The following MED13L variants were observed in gnomAD, a reference collection of about 807,000 sequenced individuals.
MED13L encodes mediator complex subunit 13L.
MED13L carries 7 observed loss-of-function variants against 220.9 expected under a neutral mutation model. The ratio of observed to expected loss-of-function variants is 0.03; its 90% CI spans 0.02 to 0.06. The LOEUF is 0.06. Among genes scored for constraint, MED13L ranks in the 10% least tolerant of loss-of-function variants. MED13L has a pLI of 1.00. For missense variants in MED13L, 1,965 were observed against 2,760.5 expected, an observed-to-expected ratio of 0.71 and a Z score of 6.46; for synonymous variants, 1,011 against 1,015.2, an observed-to-expected ratio of 1.00 and a Z score of 0.08.
intron 16 of MED13L, among the ~76,000 whole-genome samples, chr12:115,995,450 G>T (rs1592928047): frequency 6.6e-6 from 1 of 152,244 alleles, no homozygotes; most frequent in South Asian, 2.1e-4. Flanking sequence ...TTGTGACAGG[G>T]TCTTGCTCTG....
At chr12:116,075,637 T>C (rs1593014293) in intron 4 of MED13L, among the ~76,000 whole-genome samples, 1 of 152,228 alleles carries the variant, frequency 6.6e-6, no homozygotes, top group East Asian at 1.9e-4. Context: ...ACTGAACATC[T>C]TCATGTTGTA....
intron 4 of MED13L, among the ~76,000 whole-genome samples, chr12:116,089,507 AAT>A (rs1171195756): frequency 6.6e-6 from 1 of 152,214 alleles, no homozygotes; most frequent in Non-Finnish European, 1.5e-5. Flanking sequence ...TAGGATTAGT[AAT>A]AGAGGTGGCA....
chr12:116,181,678 T>C (rs1279010136), intron 2 of MED13L, among the ~76,000 whole-genome samples: 1 of 152,052 alleles, frequency 6.6e-6, no homozygotes, highest in African/African-American at 2.4e-5. Flanking sequence ...ATTTTTTCTG[T>C]AGTTTTAGTA....
intron 2 of MED13L, among the ~76,000 whole-genome samples, 172 bp downstream of exon 2, chr12:116,237,296 A>C (rs557862952): frequency 3.3e-5 from 5 of 151,342 alleles, no homozygotes; most frequent in Admixed American, 6.6e-5. Flanking sequence ...AAGAGTTAGG[A>C]AAAAAAAACA....
chr12:116,107,134 CA>C (rs1288927115), intron 3 of MED13L, among the ~76,000 whole-genome samples: 2 of 152,056 alleles, frequency 1.3e-5, no homozygotes, highest in Non-Finnish European at 2.9e-5. Context: ...AACTGAGACC[CA>C]AAATATCTCT....
At chr12:116,036,577 G>C (rs777685532) in intron 4 of MED13L, among the ~76,000 whole-genome samples, 3 of 152,136 alleles carry the variant, frequency 2.0e-5, no homozygotes, top group Non-Finnish European at 4.4e-5. Context: ...AAAGTGTTTT[G>C]ATAACAGATT....
chr12:116,244,664 C>T (rs1424787725), intron 1 of MED13L, among the ~76,000 whole-genome samples: 2 of 152,154 alleles, frequency 1.3e-5, no homozygotes, highest in African/African-American at 4.8e-5. Context: ...GCTTAAAAGG[C>T]GCTCAGCTGG....
At chr12:116,083,318 C>T (rs1403561526) in intron 4 of MED13L, among the ~76,000 whole-genome samples, 3 of 146,660 alleles carry the variant, frequency 2.0e-5, no homozygotes, top group African/African-American at 7.6e-5. Context: ...GCATGAGGAT[C>T]ACTTGAACCC....
In MED13L at chr12:116,008,529, T is replaced by C; in HGVS notation, c.1884A>G (p.Ser628=). The change falls in exon 10 of 31, where the codon TCA becomes TCG. Residue 628 remains serine (S), a synonymous_variant. Coordinates refer to ENST00000281928, the MANE Select transcript of MED13L (RefSeq NM_015335.5). ...GATAACTATGCCACCACTTTTCTGA[T>C]GACTCCGGGTTCGAGGGCCTAATCC... The part of the protein sequence containing the change: ...YCGIRPSNPE[S]SEKWWHSYRL... 1.2e-6 allele frequency: 2 copies of C among 1,614,008 alleles called. No homozygotes were observed. The highest frequency in any genetic ancestry group is 2.2e-5 in the South Asian group (2 of 91,058).
At chr12:116,138,720 C>T (rs1381996212) in intron 2 of MED13L, among the ~76,000 whole-genome samples, 1 of 152,218 alleles carries the variant, frequency 6.6e-6, no homozygotes, top group Non-Finnish European at 1.5e-5. Flanking sequence ...AAATTCTAAG[C>T]AAATGTTAGT....
At position 115,996,638 on chromosome 12, in the gene MED13L, A is replaced by G. The variant is rs1285890331; in HGVS notation, c.2834T>C (p.Val945Ala). 1.9e-6 allele frequency: 3 copies of G among 1,614,034 alleles called. No individual in the cohort carries two copies. Among genetic ancestry groups the G allele is most frequent in the Admixed American group, 1.7e-5 (1 of 60,012 alleles). The stretch of plus-strand genomic sequence containing the variant: ...CAGTGGAGCAAACATGGAGGATCCC[A>G]CAAAAGGTTGAAAGGATGGAACTTT... Reference protein sequence around the residue: ...VHKVPSFQPFVGSSMFAPLKM... With the variant: ...VHKVPSFQPFAGSSMFAPLKM... The change falls in exon 16 of 31, where the codon GTG becomes GCG. Residue 945 changes from valine (V) to alanine (A), a missense_variant. Val to Ala is a moderately conservative substitution (Grantham distance 64). This residue lies in a region of MED13L where 233 missense variants were observed against 306.2 expected (regional missense o/e 0.76). Transcript: ENST00000281928.
chr12:116,171,796 G>A (rs1472538300), intron 2 of MED13L, among the ~76,000 whole-genome samples: 2 of 152,086 alleles, frequency 1.3e-5, no homozygotes, highest in East Asian at 3.8e-4. Flanking sequence ...GTACTGAGAA[G>A]CCCTATTTCC....
intron 1 of MED13L, among the ~76,000 whole-genome samples, chr12:116,260,923 T>G (rs540461517): frequency 1.3e-5 from 2 of 152,246 alleles, no homozygotes; most frequent in Non-Finnish European, 2.9e-5. Flanking sequence ...GTAGATGCTC[T>G]AGGTAACAAA....
chr12:116,044,857 T>C (rs1881740411), intron 4 of MED13L, among the ~76,000 whole-genome samples: 1 of 152,120 alleles, frequency 6.6e-6, no homozygotes, highest in African/African-American at 2.4e-5. Flanking sequence ...GAATATGAAG[T>C]TGTATCAGCT....
chr12:116,189,541 T>C (rs76639466), intron 2 of MED13L, among the ~76,000 whole-genome samples: 99 of 152,282 alleles, frequency 6.5e-4, no homozygotes, highest in East Asian at 3.5e-3. Flanking sequence ...GATTGTACTT[T>C]TGGTATCAGT....
chr12:116,204,734 T>G (rs987599713), intron 2 of MED13L, among the ~76,000 whole-genome samples: 3 of 152,196 alleles, frequency 2.0e-5, no homozygotes, highest in African/African-American at 7.2e-5. Flanking sequence ...GCTCCTGCCC[T>G]TTATCCTAAA....
chr12:116,267,446 T>C (rs902070244), intron 1 of MED13L, among the ~76,000 whole-genome samples: 9 of 152,224 alleles, frequency 5.9e-5, no homozygotes, highest in African/African-American at 2.2e-4. Flanking sequence ...CTCGGGCTAC[T>C]CTATAACTTT....
chr12:116,179,540 C>G (rs76050583), intron 2 of MED13L, among the ~76,000 whole-genome samples: 3 of 148,714 alleles, frequency 2.0e-5, no homozygotes, highest in African/African-American at 4.9e-5. Context: ...GCACGTGAAC[C>G]GAGAAAATAG....
chr12:116,030,165 AC>A (rs1352619705), intron 4 of MED13L, among the ~76,000 whole-genome samples: 1 of 152,032 alleles, frequency 6.6e-6, no homozygotes, highest in Non-Finnish European at 1.5e-5. Flanking sequence ...ACGGGGATTC[AC>A]CATTTTGGCT....
Sources: allele counts gnomAD v4.1 joint callset (sites outside exome capture counted in the v4.1 genomes callset), GRCh38; gene constraint gnomAD v4.1.1; regional missense constraint gnomAD v4.1.1; transcripts MANE v1.5; gene names NCBI Gene and HGNC (gene_info 2026-07-23, HGNC 2026-07-21).